Variants in RNF14 observed in about 807,000 individuals in gnomAD.
RNF14 encodes the protein E3 ubiquitin-protein ligase RNF14.
In RNF14, 26 loss-of-function variants were observed where a neutral mutation model predicts 52.6. The observed-to-expected ratio is 0.49, with a 90% confidence interval of 0.36 to 0.69. RNF14 has a LOEUF of 0.69. Among genes scored for constraint, RNF14 ranks in the 30% least tolerant of loss-of-function variants. RNF14 has a pLI of 0.00. For synonymous variants in RNF14, 194 were observed against 202.0 expected (o/e 0.96, Z 0.34); for missense variants, 404 against 560.4 (o/e 0.72, Z 2.82).
chr5:141,972,073 T>C (rs1035593186), intron 2 of RNF14, among the ~76,000 whole-genome samples: 2 of 152,186 alleles, frequency 1.3e-5, no homozygotes, highest in African/African-American at 4.8e-5. Flanking sequence ...TTTGACAAAA[T>C]CTATTATTTC....
the RNF14 span, chr5:141,949,680 G>C: frequency 9.8e-6 from 14 of 1,432,844 alleles, no homozygotes; most frequent in East Asian, 3.4e-4. Flanking sequence ...CCCATATAGG[G>C]AACTGGATAC....
chr5:141,985,064 G>T, intron 8 of RNF14, 131 bp downstream of exon 8: 7 of 829,276 alleles, frequency 8.4e-6, no homozygotes, highest in South Asian at 6.4e-5. Context: ...CCCCTATAAA[G>T]GAATTTTCAT....
At chr5:141,954,245 C>T (rs1256153293), upstream of RNF14, among the ~76,000 whole-genome samples, 4 of 152,190 alleles carry the variant, frequency 2.6e-5, no homozygotes, top group Admixed American at 6.5e-5. Flanking sequence ...CTGCCCCATC[C>T]GCAGGCCCAG....
chr5:141,955,664 C>T (rs755424368), upstream of RNF14: 13 of 1,613,996 alleles, frequency 8.1e-6, no homozygotes, highest in Non-Finnish European at 1.1e-5. The surrounding 1 kb of genome is among the most constrained non-coding windows in gnomAD (Gnocchi z 5.5). Context: ...AGGATCAACC[C>T]GAAGATGCCC....
chr5:141,949,542 CCAGCCCTTGCA>C, the RNF14 span: 2 of 1,614,192 alleles, frequency 1.2e-6, no homozygotes, highest in Admixed American at 3.3e-5. Context: ...TGTCTGGCCT[CCAGCCCTTGCA>C]CTTGGGCCAT....
chr5:141,963,997 A>G (rs1271074295), upstream of RNF14, among the ~76,000 whole-genome samples: 1 of 152,224 alleles, frequency 6.6e-6, no homozygotes, highest in Non-Finnish European at 1.5e-5. Flanking sequence ...TTGGGGTTAC[A>G]AAACTCTTTT....
Position 141,988,565 on chromosome 5 carries a change from T to G in RNF14, c.*775T>G, listed in dbSNP as rs183614158. 6 of 152,434 alleles carry G rather than the reference T, an allele frequency of 3.9e-5. No individual in the cohort carries two copies. The highest frequency in any genetic ancestry group is 1.3e-4 in the Admixed American group (2 of 15,298). The allele number at this position is 152,434 out of a possible 1,614,324, so 9.4% of individuals were successfully genotyped here. A position where few individuals can be genotyped will look rare whatever the true frequency, so the allele number is the denominator to read the frequency against. ...GAACCTAGATTCAAAATGGCTTGTC[T>G]TTGCTACTTTTGTTCCACATTCTCT... On this transcript the variant is annotated 3_prime_UTR_variant, in exon 9 of 9. Coordinates refer to ENST00000394520, the MANE Select transcript of RNF14 (RefSeq NM_004290.5).
At chr5:141,962,590 A>G (rs1753283474), upstream of RNF14, among the ~76,000 whole-genome samples, 1 of 152,226 alleles carries the variant, frequency 6.6e-6, no homozygotes, top group Non-Finnish European at 1.5e-5. Context: ...AATCTGAGAA[A>G]ATTCTGGAGA....
At chr5:141,969,278 GA>G (rs1753512174) in intron 1 of RNF14, 111 bp downstream of exon 1, 3 of 152,744 alleles carry the variant, frequency 2.0e-5, no homozygotes, top group Admixed American at 2.0e-4. Context: ...CAGAGAAGGG[GA>G]CCGGGCTGGG....
At chr5:141,968,510 C>G (rs1162534221), upstream of RNF14, among the ~76,000 whole-genome samples, 2 of 152,198 alleles carry the variant, frequency 1.3e-5, no homozygotes, top group African/African-American at 4.8e-5. Flanking sequence ...TTAATTCCTG[C>G]TTAGCCTGAC....
chr5:141,982,496 G>A (rs1754871322), intron 6 of RNF14: 2 of 152,210 alleles, frequency 1.3e-5, no homozygotes, highest in Admixed American at 1.3e-4. Flanking sequence ...AAAGTAAACT[G>A]ATAAAATAAC....
intron 8 of RNF14, among the ~76,000 whole-genome samples, chr5:141,986,220 A>T (rs981935785): frequency 6.6e-6 from 1 of 152,240 alleles, no homozygotes; most frequent in African/African-American, 2.4e-5. Context: ...CTCCACTTTC[A>T]GCATCAGTTG....
chr5:141,962,968 C>T (rs1490350170), upstream of RNF14: 1 of 152,212 alleles, frequency 6.6e-6, no homozygotes, highest in Non-Finnish European at 1.5e-5. Context: ...TTCTCAGAAT[C>T]ACCATCCCCC....
chr5:141,955,421 A>G (rs1415621410), upstream of RNF14: 1 of 1,613,986 alleles, frequency 6.2e-7, no homozygotes, highest in East Asian at 2.2e-5. This position sits in a 1 kb window ranked among gnomAD's most constrained non-coding sequence, Gnocchi z 5.5. Context: ...GCCTGCAGGC[A>G]GGGGTCCCAG....
rs186984760 is a variant in RNF14 at position 141,960,202 on chromosome 5, G to A, written c.-181+1777G>A. On this transcript the variant is annotated intron_variant, in intron 1 of 4. Transcript: ENST00000506822. ...AGCCCACGTGACAGTCTCACTATCC[G>A]CCCCGCAATCGTCCCCCTGTGTGCC... is the stretch of plus-strand genomic sequence containing the variant. 3.0e-4 allele frequency among the ~76,000 whole-genome samples: 46 copies of A among 152,272 alleles called. No homozygotes were observed. The East Asian group carries it at 7.9e-3, about 26-fold the overall frequency.
chr5:141,968,708 C>A (rs1753450309), upstream of RNF14, among the ~76,000 whole-genome samples: 1 of 152,226 alleles, frequency 6.6e-6, no homozygotes, highest in Non-Finnish European at 1.5e-5. Flanking sequence ...ACAGTTATAA[C>A]ATGAGCGATG....
chr5:141,957,563 G>A (rs756435156), upstream of RNF14: 4 of 1,614,084 alleles, frequency 2.5e-6, no homozygotes, highest in African/African-American at 5.3e-5. The surrounding 1 kb of genome is among the most constrained non-coding windows in gnomAD (Gnocchi z 4.3). Flanking sequence ...TGTCGGCACA[G>A]CTGCTCTCGA....
rs2126968247 is a variant in RNF14, at chr5:141,970,754, T to C, written c.-130T>C. 6.6e-6 allele frequency: 1 copy of C among 152,468 alleles called. No individual in the cohort carries two copies. Among genetic ancestry groups the C allele is most frequent in the Non-Finnish European group, 1.5e-5 (1 of 68,028 alleles). 9.4% of individuals were successfully genotyped at this position (152,468 alleles called of 1,614,324 possible). On this transcript the variant is annotated 5_prime_UTR_variant, in exon 2 of 9. Transcript: ENST00000394520. ...AGTATGAGTTCCACATCTTGGCCTC[T>C]TACCCAGCTTCAGCAGTCTCAGCTC...
upstream of RNF14, chr5:141,956,445 C>T (rs905385036): frequency 6.2e-6 from 10 of 1,614,064 alleles, no homozygotes; most frequent in Admixed American, 3.3e-5. Context: ...TGTTTTCCCG[C>T]GTGGAGACTT....
Sources: allele counts gnomAD v4.1 joint callset (sites outside exome capture counted in the v4.1 genomes callset), GRCh38; gene constraint gnomAD v4.1.1; non-coding constraint Gnocchi (gnomAD v3.1); transcripts MANE v1.5; gene names NCBI Gene and HGNC (gene_info 2026-07-23, HGNC 2026-07-21).